The following KLF8 variants were observed in gnomAD, a reference collection of about 807,000 sequenced individuals.
The protein encoded by KLF8 is KLF transcription factor 8.
KLF8 carries 10 observed loss-of-function variants against 18.2 expected under a neutral mutation model. The ratio of observed to expected loss-of-function variants is 0.55; its 90% confidence interval spans 0.34 to 0.93. The LOEUF (loss-of-function observed/expected upper bound fraction) is 0.93, where lower values mean the gene tolerates loss of function less well. Ranked by LOEUF, KLF8 falls within the 40% of genes least tolerant of loss-of-function variation. The pLI, the probability that KLF8 is intolerant of heterozygous loss-of-function variation, is 0.02. For synonymous variants in KLF8, 109 were observed against 97.3 expected, an observed-to-expected ratio of 1.12 and a Z score of -0.71; for missense variants, 264 against 277.9, an observed-to-expected ratio of 0.95 and a Z score of 0.36.
At chrX:56,064,131 G>A in the KLF8 span, among the ~76,000 whole-genome samples, 3 of 101,475 alleles carry the variant, frequency 3.0e-5, no homozygotes, top group African/African-American at 4.0e-5. Flanking sequence ...GTATATATAT[G>A]TATATACATA....
chrX:55,945,813 A>G, the KLF8 span, among the ~76,000 whole-genome samples: 203 of 109,985 alleles, frequency 1.8e-3, no homozygotes, highest in African/African-American at 6.8e-3. Context: ...AAATCAATGT[A>G]CAAAAATCAC....
the KLF8 span, among the ~76,000 whole-genome samples, chrX:56,162,485 A>T: frequency 4.5e-5 from 5 of 111,472 alleles, no homozygotes; most frequent in Non-Finnish European, 9.4e-5. Flanking sequence ...CCCCTCCCCC[A>T]GCCTCTCTGC....
chrX:56,090,412 T>A, the KLF8 span, among the ~76,000 whole-genome samples: 13 of 111,855 alleles, frequency 1.2e-4, 1 homozygote, highest in African/African-American at 4.2e-4. Context: ...AAACATGCAA[T>A]ACGAAGACAC....
At chrX:55,917,067 G>T in the KLF8 span, among the ~76,000 whole-genome samples, 1 of 111,845 alleles carries the variant, frequency 8.9e-6, no homozygotes. Flanking sequence ...TTTTCCAAAG[G>T]AATCCAATCT....
At chrX:55,963,395 G>A in the KLF8 span, among the ~76,000 whole-genome samples, 11 of 111,239 alleles carry the variant, frequency 9.9e-5, no homozygotes, top group Non-Finnish European at 2.1e-4. Flanking sequence ...GAGTTAGGTG[G>A]CACAGGGCAG....
chrX:55,937,068 A>G, the KLF8 span, among the ~76,000 whole-genome samples: 1 of 111,622 alleles, frequency 9.0e-6, no homozygotes, highest in Non-Finnish European at 1.9e-5. Flanking sequence ...GAACGGGCAG[A>G]CTGCCTCCTC....
intron 2 of KLF8, among the ~76,000 whole-genome samples, chrX:56,257,525 T>C (rs1398337044): frequency 9.0e-6 from 1 of 111,492 alleles, no homozygotes; most frequent in Non-Finnish European, 1.9e-5. Context: ...CCCTCCTTCT[T>C]CTAGTAGTAC....
chrX:56,223,547 A>C, the KLF8 span, among the ~76,000 whole-genome samples: 10 of 112,687 alleles, frequency 8.9e-5, no homozygotes, highest in African/African-American at 3.2e-4. Flanking sequence ...CGGTGAATTT[A>C]GCAAATATTT....
chrX:55,982,750 A>G, the KLF8 span, among the ~76,000 whole-genome samples: 1 of 112,071 alleles, frequency 8.9e-6, no homozygotes, highest in Non-Finnish European at 1.9e-5. Context: ...AAAAGAATCA[A>G]TTTCAACAAT....
chrX:55,985,378 G>A, the KLF8 span, among the ~76,000 whole-genome samples: 58,795 of 110,830 alleles, frequency 0.53, 13,697 homozygotes, highest in East Asian at 0.76. Context: ...TTATTAAATA[G>A]GGTGTCTTTA....
At chrX:56,223,047 G>C in the KLF8 span, among the ~76,000 whole-genome samples, 4 of 113,336 alleles carry the variant, frequency 3.5e-5, no homozygotes, top group African/African-American at 9.6e-5. Context: ...GCCAGAGTGG[G>C]CACGGAGGCC....
chrX:55,985,458 A>G, the KLF8 span, among the ~76,000 whole-genome samples: 1 of 111,100 alleles, frequency 9.0e-6, no homozygotes, highest in Non-Finnish European at 1.9e-5. Flanking sequence ...TTATTTCTGA[A>G]TTCTCTATTC....
At chrX:56,125,173 A>G in the KLF8 span, among the ~76,000 whole-genome samples, 1 of 112,084 alleles carries the variant, frequency 8.9e-6, no homozygotes, top group Non-Finnish European at 1.9e-5. Context: ...GAACAGATGT[A>G]GCAGACATGA....
At chrX:55,914,897 C>T in the KLF8 span, among the ~76,000 whole-genome samples, 1 of 111,084 alleles carries the variant, frequency 9.0e-6, no homozygotes, top group East Asian at 2.8e-4. Flanking sequence ...TACCCGAAAG[C>T]TATTCTTTAC....
chrX:56,198,050 A>G, the KLF8 span, among the ~76,000 whole-genome samples: 2 of 112,300 alleles, frequency 1.8e-5, no homozygotes, highest in African/African-American at 6.5e-5. Flanking sequence ...CTTCCATGCT[A>G]AAAACTCTCA....
At chrX:56,049,909 G>T in the KLF8 span, among the ~76,000 whole-genome samples, 1 of 107,973 alleles carries the variant, frequency 9.3e-6, no homozygotes, top group Admixed American at 9.9e-5. Context: ...GACTCTTTTT[G>T]GTTGGTAAGC....
the KLF8 span, among the ~76,000 whole-genome samples, chrX:56,142,869 C>A: frequency 8.9e-6 from 1 of 112,057 alleles, no homozygotes; most frequent in Non-Finnish European, 1.9e-5. Context: ...GATCTCAACA[C>A]CTCTAACATT....
chrX:56,123,768 G>A, the KLF8 span, among the ~76,000 whole-genome samples: 1 of 111,681 alleles, frequency 9.0e-6, no homozygotes, highest in African/African-American at 3.3e-5. Context: ...ATTTTTCCAG[G>A]GCATTAATGA....
the KLF8 span, among the ~76,000 whole-genome samples, chrX:55,997,042 G>A: frequency 9.0e-6 from 1 of 111,720 alleles, no homozygotes; most frequent in South Asian, 3.8e-4. Flanking sequence ...ATGCTTGCAG[G>A]GACCCATCTG....
Sources: allele counts gnomAD v4.1 joint callset (sites outside exome capture counted in the v4.1 genomes callset), GRCh38; gene constraint gnomAD v4.1.1; transcripts MANE v1.5; gene names NCBI Gene and HGNC (gene_info 2026-07-23, HGNC 2026-07-21).